Variants in KSR2 observed in about 807,000 individuals in gnomAD.
KSR2 encodes the protein kinase suppressor of ras 2.
A neutral mutation model predicts 107.8 loss-of-function variants in KSR2; 25 were observed. The ratio of observed to expected loss-of-function variants is 0.23; its 90% CI spans 0.17 to 0.32. The LOEUF is 0.32. Among genes scored for constraint, KSR2 ranks in the 10% least tolerant of loss-of-function variants. KSR2 has a pLI of 1.00. For synonymous variants in KSR2, 480 were observed against 507.0 expected (o/e 0.95, Z 0.71); for missense variants, 887 against 1,268.9 (o/e 0.70, Z 4.57).
chr12:117,664,125 A>G (rs1445549925), intron 5 of KSR2, among the ~76,000 whole-genome samples: 2 of 152,138 alleles, frequency 1.3e-5, no homozygotes, highest in Non-Finnish European at 2.9e-5. Flanking sequence ...TCCATGAGCG[A>G]AGGCTCCTGC....
intron 10 of KSR2, among the ~76,000 whole-genome samples, chr12:117,532,470 C>T (rs1226267454): frequency 1.3e-5 from 2 of 152,196 alleles, no homozygotes; most frequent in East Asian, 3.9e-4. Context: ...AGATAATCCT[C>T]CCATCTCAAG....
chr12:117,696,166 C>T (rs1160022119), intron 4 of KSR2, among the ~76,000 whole-genome samples: 29 of 152,124 alleles, frequency 1.9e-4, no homozygotes, highest in Admixed American at 1.9e-3. Context: ...AAAACTCCGG[C>T]CCACTGAAGT....
In KSR2 at chr12:117,465,233, T is replaced by C. The variant is rs1361331683; in HGVS notation, c.*1966A>G. 1 of 152,162 alleles carries C rather than the reference T, an allele frequency of 6.6e-6. No individual in the cohort carries two copies. Among genetic ancestry groups the C allele is most frequent in the Non-Finnish European group, 1.5e-5 (1 of 68,062 alleles). The allele number at this position is 152,162 out of a possible 1,614,324, so 9.4% of individuals were successfully genotyped here. ...TTGTGTTGGGATGGGGAGGTGTCCATTGACAAGAGCCATCCCCAGCAACCC... is the reference window on the plus strand; with the variant it reads ...TTGTGTTGGGATGGGGAGGTGTCCACTGACAAGAGCCATCCCCAGCAACCC... On this transcript the variant is annotated 3_prime_UTR_variant, in exon 20 of 20. Coordinates refer to ENST00000339824, the MANE Select transcript of KSR2 (RefSeq NM_173598.6).
intron 15 of KSR2, among the ~76,000 whole-genome samples, chr12:117,485,332 C>A (rs1273917047): frequency 2.0e-5 from 3 of 152,152 alleles, no homozygotes; most frequent in African/African-American, 7.2e-5. Context: ...GACCCCTGGT[C>A]CTTGCATAGG....
intron 4 of KSR2, among the ~76,000 whole-genome samples, chr12:117,742,490 T>TATGG (rs36137902): frequency 0.32 from 47,675 of 150,912 alleles, 7,563 homozygotes; most frequent in East Asian, 0.42. Context: ...TCAGAAAACA[T>TATGG]ATGGATGGAT....
intron 4 of KSR2, among the ~76,000 whole-genome samples, chr12:117,716,671 C>T (rs1221467326): frequency 6.6e-6 from 1 of 152,186 alleles, no homozygotes; most frequent in Non-Finnish European, 1.5e-5. Flanking sequence ...CTAGAACTGC[C>T]TATATTCTAT....
intron 5 of KSR2, among the ~76,000 whole-genome samples, chr12:117,644,596 T>C (rs2136415537): frequency 6.6e-6 from 1 of 152,272 alleles, no homozygotes; most frequent in Middle Eastern, 3.4e-3. Context: ...GTGATTTGAA[T>C]GTGAAAGCAA....
intron 17 of KSR2, among the ~76,000 whole-genome samples, chr12:117,474,183 G>C (rs968802000): frequency 6.6e-6 from 1 of 152,096 alleles, no homozygotes; most frequent in Non-Finnish European, 1.5e-5. Flanking sequence ...AAAAAGATTT[G>C]CTGAAGATGA....
intron 4 of KSR2, among the ~76,000 whole-genome samples, chr12:117,721,025 G>A (rs551439015): frequency 6.6e-6 from 1 of 152,292 alleles, no homozygotes; most frequent in African/African-American, 2.4e-5. Context: ...TAATTTGTAA[G>A]GGGAGGGGAG....
intron 14 of KSR2, among the ~76,000 whole-genome samples, chr12:117,516,922 C>G (rs75135440): frequency 3.9e-5 from 6 of 152,302 alleles, no homozygotes; most frequent in African/African-American, 1.4e-4. Context: ...TAGCTATTTT[C>G]CAGTCTTCTT....
At chr12:117,536,921 A>G (rs557696267) in intron 10 of KSR2, among the ~76,000 whole-genome samples, 1 of 152,304 alleles carries the variant, frequency 6.6e-6, no homozygotes, top group African/African-American at 2.4e-5. Context: ...CACATTTAAA[A>G]CTTTAACAGG....
chr12:117,910,247 A>G (rs1453678736), intron 1 of KSR2, among the ~76,000 whole-genome samples: 2 of 152,156 alleles, frequency 1.3e-5, no homozygotes, highest in Non-Finnish European at 2.9e-5. Context: ...GAAGAAGAAA[A>G]AAAAGAGTAT....
chr12:117,691,550 C>T lies in KSR2; in HGVS notation c.987-23892G>A, dbSNP rs368089897. ...GGTTTGGCAGGTTGACATAGACAGACGGCTGCCCACTGAAGGCCATGCCGG... is the reference window on the plus strand; with the variant it reads ...GGTTTGGCAGGTTGACATAGACAGATGGCTGCCCACTGAAGGCCATGCCGG... On this transcript the variant is annotated intron_variant, in intron 4 of 19. Coordinates refer to ENST00000339824, the MANE Select transcript of KSR2 (RefSeq NM_173598.6). Among the ~76,000 whole-genome samples the T allele has an allele frequency of 1.4e-4, 22 of 152,308 alleles. No homozygotes were observed. In the South Asian group the frequency reaches 4.6e-3, roughly 32 times the overall value.
At chr12:117,609,507 C>T (rs1881472838) in intron 5 of KSR2, among the ~76,000 whole-genome samples, 1 of 152,194 alleles carries the variant, frequency 6.6e-6, no homozygotes, top group African/African-American at 2.4e-5. Flanking sequence ...TTTTTAATGG[C>T]TTGCCTAAAA....
At chr12:117,930,091 C>A (rs1432667049) in intron 1 of KSR2, among the ~76,000 whole-genome samples, 1 of 151,876 alleles carries the variant, frequency 6.6e-6, no homozygotes, top group African/African-American at 2.4e-5. Context: ...ATCACCCAGG[C>A]TGGAGGGCCT....
rs1188456365 is a variant in KSR2, at chr12:117,457,065, T to C, written c.*10134A>G. On this transcript the variant is annotated 3_prime_UTR_variant, in exon 20 of 20. Transcript: ENST00000339824. ...AAGATTTCAGCTCAGCAAGAGGATC[T>C]GCTTCTTAGAAGGGCTGTGGAAGGA... The C allele has an allele frequency of 6.6e-6, 1 of 152,270 alleles. No individual in the cohort carries two copies. Among genetic ancestry groups the C allele is most frequent in the Non-Finnish European group, 1.5e-5 (1 of 68,056 alleles). 9.4% of individuals were successfully genotyped at this position (152,270 alleles called of 1,614,324 possible).
At chr12:117,958,091 C>G (rs971185279) in intron 1 of KSR2, among the ~76,000 whole-genome samples, 2 of 152,158 alleles carry the variant, frequency 1.3e-5, no homozygotes, top group South Asian at 4.1e-4. Flanking sequence ...CCTTGGCCCC[C>G]CAAAGTCCTG....
rs1447597654 is a variant in KSR2 at position 117,455,613 on chromosome 12, C to T, written c.*11586G>A. On this transcript the variant is annotated 3_prime_UTR_variant, in exon 20 of 20. Coordinates refer to ENST00000339824, the MANE Select transcript of KSR2 (RefSeq NM_173598.6). ...CACTTTTCTCCATTTTTTCCAGAATCACAGGAGGCACTTAACAAATATTTA... is the reference window on the plus strand; with the variant it reads ...CACTTTTCTCCATTTTTTCCAGAATTACAGGAGGCACTTAACAAATATTTA... The T allele has an allele frequency of 2.6e-5, 4 of 152,144 alleles. No homozygotes were observed. The highest frequency in any genetic ancestry group is 7.2e-5 in the African/African-American group (3 of 41,424). 9.4% of individuals were successfully genotyped at this position (152,144 alleles called of 1,614,324 possible).
At chr12:117,849,750 CAGAG>C (rs1478945438) in intron 3 of KSR2, among the ~76,000 whole-genome samples, 3 of 152,096 alleles carry the variant, frequency 2.0e-5, no homozygotes, top group Non-Finnish European at 2.9e-5. Flanking sequence ...CAGACAGGGA[CAGAG>C]AGAGAGAAAG....
Sources: allele counts gnomAD v4.1 joint callset (sites outside exome capture counted in the v4.1 genomes callset), GRCh38; gene constraint gnomAD v4.1.1; transcripts MANE v1.5; gene names NCBI Gene and HGNC (gene_info 2026-07-23, HGNC 2026-07-21).